Variants in SPTLC3 observed in about 807,000 individuals in gnomAD.
SPTLC3 encodes serine palmitoyltransferase long chain base subunit 3.
In SPTLC3, 36 loss-of-function variants were observed where a neutral mutation model predicts 59.3. The observed-to-expected ratio is 0.61, with a 90% CI of 0.47 to 0.80. SPTLC3 has a LOEUF of 0.80. Among genes scored for constraint, SPTLC3 ranks in the 30% least tolerant of loss-of-function variants. SPTLC3 has a pLI of 0.00. For synonymous variants in SPTLC3, 257 were observed against 240.8 expected (o/e 1.07, Z -0.62); for missense variants, 625 against 685.1 (o/e 0.91, Z 0.98).
At chr20:13,109,090 C>T (rs551121337) in intron 6 of SPTLC3, among the ~76,000 whole-genome samples, 3 of 152,294 alleles carry the variant, frequency 2.0e-5, no homozygotes, top group South Asian at 4.1e-4. Flanking sequence ...AAATAATACA[C>T]ACACATGTAC....
chr20:13,153,921 A>G, intron 9 of SPTLC3, 82 bp from the exon 10 acceptor site: 1 of 1,560,904 alleles, frequency 6.4e-7, no homozygotes, highest in Non-Finnish European at 8.7e-7. Context: ...AGAAAGACTT[A>G]AAGATGCTTG....
intron 1 of SPTLC3, among the ~76,000 whole-genome samples, chr20:13,036,153 TA>T (rs58736684): frequency 1.3e-5 from 2 of 151,586 alleles, no homozygotes; most frequent in Admixed American, 6.6e-5. Flanking sequence ...GGTGATGATT[TA>T]AAAAAAAATA....
At chr20:13,153,159 C>G (rs1404727621) in intron 9 of SPTLC3, among the ~76,000 whole-genome samples, 1 of 152,220 alleles carries the variant, frequency 6.6e-6, no homozygotes. Context: ...CACTATCTAG[C>G]TTTGGCTGGC....
chr20:13,110,169 C>T lies in SPTLC3; in HGVS notation c.884C>T (p.Thr295Ile), dbSNP rs1171480118. 6.2e-7 allele frequency: 1 copy of T among 1,613,602 alleles called. No homozygotes were observed. Among genetic ancestry groups the T allele is most frequent in the East Asian group, 2.2e-5 (1 of 44,834 alleles). ...RDAVIYGQPR[T>I]RRAWKKILIL... ...GCTGTCATCTATGGCCAGCCTCGAA[C>T]CCGCAGAGCTTGGAAAAAGATTCTC... The change falls in exon 7 of 12, where the codon ACC (threonine) becomes ATC (isoleucine). Residue 295 changes from threonine to isoleucine, a missense_variant. Thr to Ile is a moderately conservative substitution (Grantham distance 89). Transcript: ENST00000399002.
intron 9 of SPTLC3, among the ~76,000 whole-genome samples, chr20:13,152,540 T>C (rs1053213967): frequency 6.6e-6 from 1 of 152,314 alleles, no homozygotes; most frequent in African/African-American, 2.4e-5. Context: ...GTCAATATCA[T>C]TCTCAAGCAG....
intron 9 of SPTLC3, among the ~76,000 whole-genome samples, chr20:13,127,774 G>A (rs2038028684): frequency 6.6e-6 from 1 of 152,202 alleles, no homozygotes; most frequent in South Asian, 2.1e-4. Context: ...AAGGCCTGCA[G>A]GAGGATATTT....
At chr20:13,127,687 C>T (rs1008636906) in intron 9 of SPTLC3, among the ~76,000 whole-genome samples, 2 of 152,134 alleles carry the variant, frequency 1.3e-5, no homozygotes, top group African/African-American at 2.4e-5. Context: ...CCCCTGGGGC[C>T]CTTCTACTGA....
intron 7 of SPTLC3, among the ~76,000 whole-genome samples, chr20:13,110,626 G>A (rs930406710): frequency 6.6e-6 from 1 of 152,066 alleles, no homozygotes; most frequent in Non-Finnish European, 1.5e-5. Context: ...TGGACAGCAC[G>A]CCCAACCCCC....
intron 6 of SPTLC3, among the ~76,000 whole-genome samples, chr20:13,097,802 G>T (rs1989472509): frequency 6.6e-6 from 1 of 152,256 alleles, no homozygotes; most frequent in East Asian, 1.9e-4. Flanking sequence ...GACAGTGAAA[G>T]GCTGAGGAAA....
intron 6 of SPTLC3, among the ~76,000 whole-genome samples, chr20:13,098,511 T>G (rs1245098481): frequency 6.6e-6 from 1 of 152,210 alleles, no homozygotes; most frequent in Non-Finnish European, 1.5e-5. Context: ...CTTAAATTCT[T>G]AACTTTTTGC....
At chr20:13,117,845 C>A in intron 8 of SPTLC3, 120 bp downstream of exon 8, 1 of 907,638 alleles carries the variant, frequency 1.1e-6, no homozygotes, top group Non-Finnish European at 1.6e-6. Context: ...GCTGATCACT[C>A]CAGCCTGGCT....
At chr20:13,124,578 G>C (rs756071198) in intron 8 of SPTLC3, among the ~76,000 whole-genome samples, 2 of 152,102 alleles carry the variant, frequency 1.3e-5, no homozygotes, top group Non-Finnish European at 2.9e-5. Flanking sequence ...CGGGTGAAAG[G>C]GGGGGATTCA....
chr20:13,097,032 C>A (rs1478429313), intron 6 of SPTLC3, among the ~76,000 whole-genome samples: 1 of 151,958 alleles, frequency 6.6e-6, no homozygotes, highest in African/African-American at 2.4e-5. Flanking sequence ...CAATGCCTGG[C>A]AATGGGAACT....
chr20:13,073,277 C>T (rs558686143), intron 3 of SPTLC3, among the ~76,000 whole-genome samples: 1 of 152,094 alleles, frequency 6.6e-6, no homozygotes, highest in African/African-American at 2.4e-5. Context: ...TTTTTAGCTC[C>T]CACGTTATAG....
intron 7 of SPTLC3, among the ~76,000 whole-genome samples, chr20:13,111,282 G>A (rs983619670): frequency 6.6e-6 from 1 of 152,118 alleles, no homozygotes; most frequent in African/African-American, 2.4e-5. Flanking sequence ...AGCCAGCCCA[G>A]AGAGTATGTA....
rs963796127 is a variant in SPTLC3, at chr20:13,146,707, G to C, written c.1280-7296G>C. Among the ~76,000 whole-genome samples the C allele has an allele frequency of 8.5e-5, 13 of 152,240 alleles. No individual in the cohort carries two copies. In the South Asian group the frequency reaches 1.2e-3, roughly 15 times the overall value. On this transcript the variant is annotated intron_variant, in intron 9 of 11. Transcript: ENST00000399002. ...CCTGTTAGATCATTTGTTCCAAACAGTGTCAGAAATTTTTCATCTTCTATT... is the reference window on the plus strand; with the variant it reads ...CCTGTTAGATCATTTGTTCCAAACACTGTCAGAAATTTTTCATCTTCTATT...
intron 11 of SPTLC3, among the ~76,000 whole-genome samples, chr20:13,163,547 A>G (rs903920425): frequency 1.1e-4 from 17 of 152,280 alleles, no homozygotes; most frequent in African/African-American, 4.1e-4. Context: ...CATTTTAAAG[A>G]TAACTTTGGT....
At chr20:13,043,227 T>G (rs6109666) in intron 1 of SPTLC3, among the ~76,000 whole-genome samples, 19,396 of 152,164 alleles carry the variant, frequency 0.13, 1,320 homozygotes, top group Middle Eastern at 0.22. Flanking sequence ...GGCCCTCTCG[T>G]TAGCTCCAGT....
chr20:13,118,830 C>A (rs1461255395), intron 8 of SPTLC3, among the ~76,000 whole-genome samples: 1 of 152,226 alleles, frequency 6.6e-6, no homozygotes, highest in Non-Finnish European at 1.5e-5. Flanking sequence ...TCATTGAAAG[C>A]TCATGATTTA....
Sources: allele counts gnomAD v4.1 joint callset (sites outside exome capture counted in the v4.1 genomes callset), GRCh38; gene constraint gnomAD v4.1.1; transcripts MANE v1.5; gene names NCBI Gene and HGNC (gene_info 2026-07-23, HGNC 2026-07-21).